Variants in TRAPPC9 observed in about 807,000 individuals in gnomAD.
The protein encoded by TRAPPC9 is trafficking protein particle complex subunit 9.
A neutral mutation model predicts 124.0 loss-of-function variants in TRAPPC9; 83 were observed. That is an observed-to-expected ratio of 0.67 (90% confidence interval 0.56 to 0.80). The LOEUF (loss-of-function observed/expected upper bound fraction) is 0.80. Ranked by LOEUF, TRAPPC9 falls within the 30% of genes least tolerant of loss-of-function variation. The probability of loss-of-function intolerance (pLI) is 0.00; values close to 1 mark genes in which losing one functional copy is unlikely to be tolerated. For missense variants in TRAPPC9, 1,302 were observed against 1,508.3 expected (o/e 0.86, Z 2.27); for synonymous variants, 638 against 617.5 (o/e 1.03, Z -0.49).
chr8:140,163,894 G>A (rs1335883899), intron 17 of TRAPPC9, among the ~76,000 whole-genome samples: 2 of 152,124 alleles, frequency 1.3e-5, no homozygotes, highest in African/African-American at 4.8e-5. Context: ...AGAAGGTTTA[G>A]CATTAATTAA....
intron 17 of TRAPPC9, chr8:140,098,209 C>T (rs1254007194): frequency 6.6e-6 from 1 of 152,254 alleles, no homozygotes; most frequent in East Asian, 1.9e-4. Context: ...CCGCAGCCAT[C>T]CACAGCGGAG....
chr8:140,171,504 T>G (rs190283073), intron 17 of TRAPPC9, among the ~76,000 whole-genome samples: 110 of 152,364 alleles, frequency 7.2e-4, no homozygotes, highest in African/African-American at 2.4e-3. Context: ...TGAGGGTCTT[T>G]GTGATTCTCT....
In TRAPPC9 at chr8:140,138,039, G is replaced by A. The variant is rs1454527120; in HGVS notation, c.2556+83420C>T. Among the ~76,000 whole-genome samples the A allele has an allele frequency of 5.3e-5, 8 of 152,268 alleles. No homozygotes were observed. The East Asian group carries it at 5.8e-4, about 11-fold the overall frequency. On this transcript the variant is annotated intron_variant, in intron 17 of 22. Transcript: ENST00000438773. The stretch of plus-strand genomic sequence containing the variant: ...CAGCTGACCGGGTGCACTGGCTCAC[G>A]CCTGTAATCCCAACACTTGGGGAGG...
At chr8:139,934,247 A>C (rs1423112537) in intron 19 of TRAPPC9, among the ~76,000 whole-genome samples, 1 of 152,040 alleles carries the variant, frequency 6.6e-6, no homozygotes, top group African/African-American at 2.4e-5. Context: ...GAGATTAGGC[A>C]AATGTGGCTG....
chr8:139,990,779 G>A (rs1837588868), intron 18 of TRAPPC9, among the ~76,000 whole-genome samples: 1 of 152,136 alleles, frequency 6.6e-6, no homozygotes, highest in Non-Finnish European at 1.5e-5. Context: ...TAGAGACAGG[G>A]TTTCACCATG....
chr8:140,129,617 G>A (rs531492393), intron 17 of TRAPPC9, among the ~76,000 whole-genome samples: 85 of 152,292 alleles, frequency 5.6e-4, no homozygotes, highest in South Asian at 1.2e-3. Flanking sequence ...GGTACACACA[G>A]GAGGATTGAA....
rs2064859802 is a variant in TRAPPC9, at chr8:140,270,964, G to A, written c.2278+4694C>T. Among the ~76,000 whole-genome samples the A allele has an allele frequency of 3.3e-5, 5 of 152,256 alleles. No individual in the cohort carries two copies. In the South Asian group the frequency reaches 1.0e-3, roughly 31 times the overall value. On this transcript the variant is annotated intron_variant, in intron 15 of 22. Coordinates refer to ENST00000438773, the MANE Select transcript of TRAPPC9 (RefSeq NM_001160372.4). Reference sequence around the variant, plus strand: ...CAGGTGAAGACTTTTGCTTCAGAAAGAAAGGGGGATTTTGTAATGAATAAT... The same window carrying A: ...CAGGTGAAGACTTTTGCTTCAGAAAAAAAGGGGGATTTTGTAATGAATAAT...
At chr8:140,113,086 G>C (rs1215762815) in intron 17 of TRAPPC9, among the ~76,000 whole-genome samples, 1 of 152,164 alleles carries the variant, frequency 6.6e-6, no homozygotes, top group Admixed American at 6.5e-5. Flanking sequence ...GAGAGCAGTT[G>C]GGAATTTCAG....
In TRAPPC9 at chr8:140,241,831, G is replaced by A. The variant is rs756971890; in HGVS notation, c.2431+10946C>T. Among the ~76,000 whole-genome samples, 3 of 152,206 alleles carry A rather than the reference G, an allele frequency of 2.0e-5. No homozygotes were observed. The highest frequency in any genetic ancestry group is 6.5e-5 in the Admixed American group (1 of 15,282). Reference sequence around the variant, plus strand: ...TGGAACACTCGGCAGCCTTCGCAGCGTGCCTTCCGTCCCTCACTTGCTTAA... The same window carrying A: ...TGGAACACTCGGCAGCCTTCGCAGCATGCCTTCCGTCCCTCACTTGCTTAA... On this transcript the variant is annotated intron_variant, in intron 16 of 22. Coordinates refer to ENST00000438773, the MANE Select transcript of TRAPPC9 (RefSeq NM_001160372.4). The surrounding 1 kb of genome is among the most constrained non-coding windows in gnomAD (Gnocchi z 5.0).
At chr8:139,851,601 C>T (rs377185828) in intron 21 of TRAPPC9, among the ~76,000 whole-genome samples, 2 of 152,162 alleles carry the variant, frequency 1.3e-5, no homozygotes, top group East Asian at 3.9e-4. Flanking sequence ...TGGGATAGCA[C>T]TAACACGAGA....
intron 21 of TRAPPC9, among the ~76,000 whole-genome samples, chr8:139,778,613 T>C (rs982459610): frequency 6.6e-6 from 1 of 152,206 alleles, no homozygotes; most frequent in Admixed American, 6.5e-5. Context: ...CTTATGTCAA[T>C]GAAATATATA....
At chr8:140,306,029 C>T (rs567721953) in intron 10 of TRAPPC9, among the ~76,000 whole-genome samples, 1 of 152,286 alleles carries the variant, frequency 6.6e-6, no homozygotes, top group South Asian at 2.1e-4. Context: ...TAGTTACTAT[C>T]CTTCCTTTCT....
chr8:139,892,638 T>C (rs987761766), intron 20 of TRAPPC9, among the ~76,000 whole-genome samples: 2 of 152,306 alleles, frequency 1.3e-5, no homozygotes, highest in African/African-American at 4.8e-5. Flanking sequence ...TACAGTGTAT[T>C]CCAAAACTGC....
At chr8:139,971,494 C>A (rs1408885305) in intron 19 of TRAPPC9, among the ~76,000 whole-genome samples, 1 of 152,148 alleles carries the variant, frequency 6.6e-6, no homozygotes, top group Admixed American at 6.5e-5. Context: ...ACACCTGCAC[C>A]CAGGCTGGCT....
At chr8:140,080,812 C>A (rs769307189) in intron 17 of TRAPPC9, among the ~76,000 whole-genome samples, 1 of 152,178 alleles carries the variant, frequency 6.6e-6, no homozygotes, top group Non-Finnish European at 1.5e-5. Flanking sequence ...TGGGCCAGAG[C>A]TTTCATCATG....
chr8:139,768,355 C>T (rs1007455505), intron 21 of TRAPPC9, among the ~76,000 whole-genome samples: 25 of 152,234 alleles, frequency 1.6e-4, no homozygotes, highest in African/African-American at 5.1e-4. Context: ...CTAGCTCCTG[C>T]AGTTCCCTGG....
At chr8:139,989,482 T>C (rs1334248691) in intron 18 of TRAPPC9, among the ~76,000 whole-genome samples, 1 of 152,220 alleles carries the variant, frequency 6.6e-6, no homozygotes, top group Non-Finnish European at 1.5e-5. Context: ...CAAGGGCTGG[T>C]CCATGTGATG....
rs911095853 is a variant in TRAPPC9 at position 139,742,281 on chromosome 8, G to A, written c.3056-10079C>T. On this transcript the variant is annotated intron_variant, in intron 21 of 22. Transcript: ENST00000438773. The surrounding 1 kb of genome is among the most constrained non-coding windows in gnomAD (Gnocchi z 4.7). ...TCTACCCCCAACCGGCCATGCTGCC[G>A]GCGCTCACTGCTCCCTGTGCAGACA... Among the ~76,000 whole-genome samples, 2 of 152,196 alleles carry A rather than the reference G, an allele frequency of 1.3e-5. No homozygotes were observed. The highest frequency in any genetic ancestry group is 6.5e-5 in the Admixed American group (1 of 15,282).
chr8:139,967,138 T>C (rs767332587), intron 19 of TRAPPC9, among the ~76,000 whole-genome samples: 18 of 152,162 alleles, frequency 1.2e-4, no homozygotes, highest in Non-Finnish European at 2.5e-4. Context: ...TCTGGCTGCC[T>C]CATGACTTGT....
Sources: allele counts gnomAD v4.1 joint callset (sites outside exome capture counted in the v4.1 genomes callset), GRCh38; gene constraint gnomAD v4.1.1; non-coding constraint Gnocchi (gnomAD v3.1); transcripts MANE v1.5; gene names NCBI Gene and HGNC (gene_info 2026-07-23, HGNC 2026-07-21).